The following KLHL29 variants were observed in gnomAD, a reference collection of about 807,000 sequenced individuals.
KLHL29 encodes kelch like family member 29.
KLHL29 carries 21 observed loss-of-function variants against 80.4 expected under a neutral mutation model. That is an observed-to-expected ratio of 0.26 (90% CI 0.19 to 0.38). The LOEUF (loss-of-function observed/expected upper bound fraction) is 0.38. Ranked by LOEUF, KLHL29 falls within the 10% of genes least tolerant of loss-of-function variation. KLHL29 has a pLI of 1.00. For missense variants in KLHL29, 867 were observed against 1,223.9 expected (o/e 0.71, Z 4.35); for synonymous variants, 511 against 526.8 (o/e 0.97, Z 0.41).
In KLHL29 at chr2:23,443,027, C is replaced by T. The variant is rs146544615; in HGVS notation, c.-153-32533C>T. ...GCTGAATGTGATACCACTTCAGGCC[C>T]TTGTGTTGGAGCCACTGTAAGCTCC... On this transcript the variant is annotated intron_variant, in intron 1 of 13. Transcript: ENST00000486442. Among the ~76,000 whole-genome samples, 43 of 152,202 alleles carry T rather than the reference C, an allele frequency of 2.8e-4. No individual in the cohort carries two copies. The East Asian group carries it at 6.9e-3, about 25-fold the overall frequency.
intron 2 of KLHL29, among the ~76,000 whole-genome samples, chr2:23,529,160 T>G (rs1283593206): frequency 6.6e-6 from 1 of 152,226 alleles, no homozygotes; most frequent in Non-Finnish European, 1.5e-5. Context: ...CAGGCTGCAG[T>G]GTGCAGTGGC....
chr2:23,554,648 C>G (rs776203356), intron 2 of KLHL29, among the ~76,000 whole-genome samples: 9 of 152,210 alleles, frequency 5.9e-5, no homozygotes, highest in Admixed American at 2.0e-4. Context: ...GCCTCCATCC[C>G]GCCCATGAGC....
chr2:23,551,809 A>T (rs575614491), intron 2 of KLHL29, among the ~76,000 whole-genome samples: 1 of 152,218 alleles, frequency 6.6e-6, no homozygotes, highest in South Asian at 2.1e-4. Flanking sequence ...GCAGATTCTG[A>T]CTCAGTAGTC....
intron 5 of KLHL29, among the ~76,000 whole-genome samples, chr2:23,652,620 C>T (rs1670116193): frequency 6.6e-6 from 1 of 152,206 alleles, no homozygotes; most frequent in African/African-American, 2.4e-5. Flanking sequence ...TACCAGGTGA[C>T]AGGCAAGGTG....
At chr2:23,485,971 C>A (rs1401043395) in intron 2 of KLHL29, among the ~76,000 whole-genome samples, 1 of 152,212 alleles carries the variant, frequency 6.6e-6, no homozygotes, top group African/African-American at 2.4e-5. Flanking sequence ...TTAATTCATA[C>A]CTTCTTTGAG....
At chr2:23,601,669 G>A (rs1208923519) in intron 3 of KLHL29, among the ~76,000 whole-genome samples, 1 of 152,168 alleles carries the variant, frequency 6.6e-6, no homozygotes, top group Non-Finnish European at 1.5e-5. Flanking sequence ...GGGTGGGAGG[G>A]TTACTCTTAG....
chr2:23,654,695 T>TGGGGGGGGG lies in KLHL29; in HGVS notation c.940+11845_940+11846insGGGGGGGGG, dbSNP rs769363801. 2.9e-4 allele frequency among the ~76,000 whole-genome samples: 10 copies of TGGGGGGGGG among 34,246 alleles called. 1 individual carries two copies. The highest frequency in any genetic ancestry group is 1.2e-3 in the South Asian group (1 of 836). The allele number at this position is 34,246 out of a possible 152,430, so 22.5% of individuals were successfully genotyped here. The stretch of plus-strand genomic sequence containing the variant: ...CTTCTCTTCCAGAAGGGAACAGAGG[T>TGGGGGGGGG]TGGGGGGGGGGGGTGGATGTTTTGT... On this transcript the variant is annotated intron_variant, in intron 5 of 13. Coordinates refer to ENST00000486442, the MANE Select transcript of KLHL29 (RefSeq NM_052920.2).
intron 2 of KLHL29, among the ~76,000 whole-genome samples, chr2:23,541,938 G>A (rs1666849663): frequency 6.6e-6 from 1 of 152,172 alleles, no homozygotes; most frequent in Non-Finnish European, 1.5e-5. Context: ...CCGTAGTGGT[G>A]CAGCTGCTCA....
chr2:23,508,047 G>A (rs572977263), intron 2 of KLHL29, among the ~76,000 whole-genome samples: 38 of 152,254 alleles, frequency 2.5e-4, no homozygotes, highest in South Asian at 1.5e-3. Flanking sequence ...CTCCTCATAC[G>A]GTCCCTATTC....
chr2:23,469,460 G>A (rs567004249), intron 1 of KLHL29, among the ~76,000 whole-genome samples: 45 of 152,308 alleles, frequency 3.0e-4, no homozygotes, highest in Non-Finnish European at 4.9e-4. Flanking sequence ...CACGCAGCCC[G>A]CAGCACCAGG....
At chr2:23,496,788 A>G (rs1226733186) in intron 2 of KLHL29, among the ~76,000 whole-genome samples, 1 of 152,246 alleles carries the variant, frequency 6.6e-6, no homozygotes, top group Non-Finnish European at 1.5e-5. Flanking sequence ...ATGCAGACCC[A>G]GGGACTCAGA....
At chr2:23,594,375 C>T (rs1014315429) in intron 3 of KLHL29, among the ~76,000 whole-genome samples, 1 of 152,126 alleles carries the variant, frequency 6.6e-6, no homozygotes, top group Non-Finnish European at 1.5e-5. Context: ...TGGAATGGCT[C>T]CCACCTGGAC....
intron 1 of KLHL29, among the ~76,000 whole-genome samples, chr2:23,411,146 G>T (rs1023140636): frequency 6.6e-6 from 1 of 152,190 alleles, no homozygotes; most frequent in African/African-American, 2.4e-5. Context: ...TTATAATGTC[G>T]ATATGACAAA....
At chr2:23,437,653 G>A (rs1040605111) in intron 1 of KLHL29, among the ~76,000 whole-genome samples, 2 of 152,118 alleles carry the variant, frequency 1.3e-5, no homozygotes, top group African/African-American at 2.4e-5. Context: ...TTAAAACTTA[G>A]TGGCCATTGA....
At chr2:23,386,739 G>C (rs1003507126) in intron 1 of KLHL29, among the ~76,000 whole-genome samples, 2 of 152,136 alleles carry the variant, frequency 1.3e-5, no homozygotes, top group East Asian at 1.9e-4. Flanking sequence ...CGTCGGCCCC[G>C]GGCCCCAAGG....
At chr2:23,529,136 C>G (rs1666419900) in intron 2 of KLHL29, among the ~76,000 whole-genome samples, 1 of 152,228 alleles carries the variant, frequency 6.6e-6, no homozygotes, top group South Asian at 2.1e-4. Context: ...GAGACAAGTT[C>G]TTGCTCTGTC....
At chr2:23,701,045 C>A (rs1225747571) in intron 11 of KLHL29, among the ~76,000 whole-genome samples, 2 of 151,084 alleles carry the variant, frequency 1.3e-5, no homozygotes, top group Non-Finnish European at 3.0e-5. Context: ...TGACTGTCTG[C>A]TGCACATCTC....
chr2:23,549,652 G>A (rs1042920473), intron 2 of KLHL29, among the ~76,000 whole-genome samples: 1 of 152,196 alleles, frequency 6.6e-6, no homozygotes, highest in Non-Finnish European at 1.5e-5. Context: ...CAGGAACAGA[G>A]GACAAAAGTC....
At chr2:23,535,128 C>CT (rs1214844026) in intron 2 of KLHL29, among the ~76,000 whole-genome samples, 3 of 152,246 alleles carry the variant, frequency 2.0e-5, no homozygotes, top group South Asian at 4.1e-4. Context: ...AAAATGTGGC[C>CT]TGACCAGACA....
Sources: gnomAD v4.1 joint callset for allele counts (sites outside exome capture counted in the v4.1 genomes callset) on GRCh38, gnomAD v4.1.1 for gene constraint, MANE v1.5 for transcripts, NCBI Gene and HGNC (gene_info 2026-07-23, HGNC 2026-07-21) for gene names.